CLEC9A: variants seen among roughly 807,000 people sequenced by gnomAD.
The protein encoded by CLEC9A is C-type lectin domain family 9 member A.
A neutral mutation model predicts 30.0 loss-of-function variants in CLEC9A; 24 were observed. That is an observed-to-expected ratio of 0.80 (90% CI 0.58 to 1.13). CLEC9A has a LOEUF of 1.13. Ranked by LOEUF, CLEC9A falls within the 50% of genes most tolerant of loss-of-function variation. CLEC9A has a pLI of 0.00. For synonymous variants in CLEC9A, 111 were observed against 96.8 expected, an observed-to-expected ratio of 1.15 and a Z score of -0.86; for missense variants, 251 against 280.9, an observed-to-expected ratio of 0.89 and a Z score of 0.76.
intron 1 of CLEC9A, among the ~76,000 whole-genome samples, chr12:10,035,826 A>T (rs1380958256): frequency 6.6e-6 from 1 of 152,118 alleles, no homozygotes; most frequent in Non-Finnish European, 1.5e-5. Context: ...GGTGATCTCA[A>T]GCTCCCGGGC....
chr12:10,063,619 A>G (rs1285715815), intron 7 of CLEC9A, among the ~76,000 whole-genome samples: 1 of 152,282 alleles, frequency 6.6e-6, no homozygotes, highest in Non-Finnish European at 1.5e-5. Flanking sequence ...AAACAGAAGT[A>G]TAAAAACTGA....
At position 10,053,606 on chromosome 12, in the gene CLEC9A, A is replaced by G. The variant is rs145038364; in HGVS notation, c.92-665A>G. ...GACTTCTTCAAAGTCCCTTTTCCAC[A>G]TAAGGTAACTCACAAGTCCCAGGAA... On this transcript the variant is annotated intron_variant, in intron 4 of 8. Transcript: ENST00000355819. 4.6e-3 allele frequency among the ~76,000 whole-genome samples: 707 copies of G among 152,276 alleles called. 11 individuals carry two copies. The highest frequency in any genetic ancestry group is 0.016 in the African/African-American group (671 of 41,560).
At chr12:10,062,435 G>A (rs1866006002) in intron 6 of CLEC9A, among the ~76,000 whole-genome samples, 1 of 152,094 alleles carries the variant, frequency 6.6e-6, no homozygotes, top group Admixed American at 6.6e-5. Flanking sequence ...CTTAAAACAG[G>A]TTCCATAAAA....
chr12:10,064,973 G>A (rs1412296493), intron 8 of CLEC9A, 120 bp downstream of exon 8: 11 of 1,199,878 alleles, frequency 9.2e-6, no homozygotes, highest in Middle Eastern at 2.8e-4. Flanking sequence ...TGTTACAGGC[G>A]GCTAATTGGG....
Position 10,057,946 on chromosome 12 carries a change from T to C in CLEC9A, c.173-3181T>C, listed in dbSNP as rs117032106. Among the ~76,000 whole-genome samples the C allele has an allele frequency of 2.3e-3, 345 of 152,300 alleles. 12 individuals carry two copies. In the East Asian group the frequency reaches 0.058, roughly 26 times the overall value. On this transcript the variant is annotated intron_variant, in intron 5 of 8. Coordinates refer to ENST00000355819, the MANE Select transcript of CLEC9A (RefSeq NM_207345.4). ...CTTAATTCATCAATTAGGTATAATGTATGATATCATATAACAAATAATTTT... is the reference window on the plus strand; with the variant it reads ...CTTAATTCATCAATTAGGTATAATGCATGATATCATATAACAAATAATTTT...
intron 5 of CLEC9A, among the ~76,000 whole-genome samples, chr12:10,056,926 AC>A (rs1227597899): frequency 1.3e-5 from 2 of 152,122 alleles, no homozygotes; most frequent in African/African-American, 2.4e-5. Context: ...ATATATACTT[AC>A]AAAACTTAAA....
intron 5 of CLEC9A, 57 bp from the exon 6 acceptor site, chr12:10,061,070 G>T (rs1865992164): frequency 2.5e-6 from 4 of 1,576,694 alleles, no homozygotes; most frequent in Admixed American, 3.7e-5. Flanking sequence ...TGTGTTGAAG[G>T]ATTATTTTGC....
chr12:10,035,215 A>G (rs2137294926), intron 1 of CLEC9A, among the ~76,000 whole-genome samples: 1 of 152,198 alleles, frequency 6.6e-6, no homozygotes, highest in African/African-American at 2.4e-5. Context: ...TCTGCCTGCT[A>G]GGGTCTTGGG....
chr12:10,049,679 C>A (rs1452291115), intron 2 of CLEC9A, among the ~76,000 whole-genome samples: 2 of 152,176 alleles, frequency 1.3e-5, no homozygotes, highest in African/African-American at 4.8e-5. Context: ...TCACTCATCA[C>A]AGAATTGAAA....
At chr12:10,045,911 A>T (rs1333053073) in intron 2 of CLEC9A, among the ~76,000 whole-genome samples, 2 of 152,190 alleles carry the variant, frequency 1.3e-5, no homozygotes, top group Non-Finnish European at 2.9e-5. Context: ...GATTTACTGC[A>T]TCTTCATATA....
chr12:10,044,143 A>G (rs1363842756), intron 2 of CLEC9A, among the ~76,000 whole-genome samples: 4 of 152,208 alleles, frequency 2.6e-5, no homozygotes, highest in Admixed American at 2.6e-4. Flanking sequence ...TCCAATGTCC[A>G]TTAGTGAAGC....
intron 2 of CLEC9A, among the ~76,000 whole-genome samples, chr12:10,049,871 C>T (rs1237011562): frequency 1.3e-5 from 2 of 152,170 alleles, no homozygotes; most frequent in East Asian, 1.9e-4. Context: ...CCTTTACATT[C>T]ACAACTTGGC....
intron 6 of CLEC9A, among the ~76,000 whole-genome samples, chr12:10,061,835 T>C (rs146512019): frequency 3.9e-5 from 6 of 152,358 alleles, no homozygotes; most frequent in African/African-American, 1.4e-4. Flanking sequence ...TGTCATATAG[T>C]TTGCCATGTA....
intron 7 of CLEC9A, among the ~76,000 whole-genome samples, chr12:10,063,814 C>A (rs1209987755): frequency 6.6e-6 from 1 of 152,170 alleles, no homozygotes; most frequent in Non-Finnish European, 1.5e-5. Flanking sequence ...TCAAGGCCAG[C>A]CTGGCCAACA....
intron 6 of CLEC9A, among the ~76,000 whole-genome samples, chr12:10,061,731 C>T (rs1378217687): frequency 6.6e-6 from 1 of 152,052 alleles, no homozygotes; most frequent in Non-Finnish European, 1.5e-5. Context: ...GATGCAGGAC[C>T]TAGCTCTTTT....
At chr12:10,036,528 G>C (rs765523926) in intron 1 of CLEC9A, among the ~76,000 whole-genome samples, 9 of 152,166 alleles carry the variant, frequency 5.9e-5, no homozygotes, top group Non-Finnish European at 1.2e-4. Context: ...TTTTGTTTCT[G>C]TCTGCAGTCA....
chr12:10,031,699 G>A (rs113211113), intron 1 of CLEC9A, among the ~76,000 whole-genome samples: 5,936 of 152,140 alleles, frequency 0.039, 287 homozygotes, highest in East Asian at 0.24. Flanking sequence ...AAGGTGGGAG[G>A]ATTGCTTGAA....
chr12:10,057,045 A>G (rs1865949845), intron 5 of CLEC9A, among the ~76,000 whole-genome samples: 1 of 152,074 alleles, frequency 6.6e-6, no homozygotes, highest in Non-Finnish European at 1.5e-5. Context: ...GTCTTCTTAT[A>G]CATTTTTAAC....
intron 1 of CLEC9A, among the ~76,000 whole-genome samples, chr12:10,032,901 T>G (rs1033277378): frequency 6.6e-6 from 1 of 152,174 alleles, no homozygotes; most frequent in African/African-American, 2.4e-5. Context: ...TCTCTAATTT[T>G]CTTGACAACA....
Sources: allele counts gnomAD v4.1 joint callset (sites outside exome capture counted in the v4.1 genomes callset), GRCh38; gene constraint gnomAD v4.1.1; transcripts MANE v1.5; gene names NCBI Gene and HGNC (gene_info 2026-07-23, HGNC 2026-07-21).